Variants in YAP1 observed in about 807,000 individuals in gnomAD.
The protein encoded by YAP1 is transcriptional coactivator YAP1.
A neutral mutation model predicts 56.9 loss-of-function variants in YAP1; 5 were observed. The ratio of observed to expected loss-of-function variants is 0.09; its 90% CI spans 0.05 to 0.18. The LOEUF is 0.18. Ranked by LOEUF, YAP1 falls within the 10% of genes least tolerant of loss-of-function variation. The pLI is 1.00. For synonymous variants in YAP1, 265 were observed against 248.1 expected (o/e 1.07, Z -0.64); for missense variants, 539 against 651.8 (o/e 0.83, Z 1.88).
intron 6 of YAP1, among the ~76,000 whole-genome samples, chr11:102,219,031 C>G (rs1949793496): frequency 6.6e-6 from 1 of 151,996 alleles, no homozygotes; most frequent in African/African-American, 2.4e-5. Context: ...ATAGCCAATT[C>G]AGTTATTTTA....
chr11:102,174,629 G>C (rs1947126836), intron 3 of YAP1, among the ~76,000 whole-genome samples: 2 of 151,958 alleles, frequency 1.3e-5, no homozygotes, highest in Non-Finnish European at 2.9e-5. Flanking sequence ...ACAAGTCTCT[G>C]AGAGATTGCA....
At chr11:102,154,390 A>C (rs1158204322) in intron 2 of YAP1, among the ~76,000 whole-genome samples, 1 of 152,180 alleles carries the variant, frequency 6.6e-6, no homozygotes, top group African/African-American at 2.4e-5. Flanking sequence ...GTATTGAAAG[A>C]CTACTGACTC....
chr11:102,204,944 A>G (rs2135591154), intron 4 of YAP1, among the ~76,000 whole-genome samples: 1 of 152,280 alleles, frequency 6.6e-6, no homozygotes, highest in Admixed American at 6.5e-5. Flanking sequence ...CTAAACATTT[A>G]GTAGAAACAG....
intron 3 of YAP1, among the ~76,000 whole-genome samples, chr11:102,181,622 AC>A (rs1947630305): frequency 1.3e-5 from 2 of 152,100 alleles, no homozygotes; most frequent in Admixed American, 6.5e-5. Context: ...TTAAAAAAAA[AC>A]GTACTGCCCT....
At chr11:102,166,345 G>C (rs1312849906) in intron 3 of YAP1, among the ~76,000 whole-genome samples, 1 of 152,122 alleles carries the variant, frequency 6.6e-6, no homozygotes, top group Non-Finnish European at 1.5e-5. Context: ...GAAGCCCATG[G>C]TTTTGACATG....
At position 102,164,180 on chromosome 11, in the gene YAP1, G is replaced by A. The variant is rs143136398; in HGVS notation, c.688+1609G>A. On this transcript the variant is annotated intron_variant, in intron 3 of 8. Coordinates refer to ENST00000282441, the MANE Select transcript of YAP1 (RefSeq NM_001130145.3). ...AGCCTCCCGAGCTGGTACTACAGGC[G>A]CCTGCCTCCACACCCAGCTAATTTT... Among the ~76,000 whole-genome samples, 206 of 152,026 alleles carry A rather than the reference G, an allele frequency of 1.4e-3. 7 individuals carry two copies. In the East Asian group the frequency reaches 0.031, roughly 23 times the overall value.
rs370149337 is a variant in YAP1, at chr11:102,148,929, C to G, written c.573-13527C>G. Among the ~76,000 whole-genome samples, 25 of 152,248 alleles carry G rather than the reference C, an allele frequency of 1.6e-4. No homozygotes were observed. In the South Asian group the frequency reaches 4.6e-3, roughly 28 times the overall value. On this transcript the variant is annotated intron_variant, in intron 2 of 8. Coordinates refer to ENST00000282441, the MANE Select transcript of YAP1 (RefSeq NM_001130145.3). ...TCTTTTAATATTGCCAAACAGTTCT[C>G]TAGTACAGTTATAACTATTTGTTGT...
At chr11:102,203,814 G>T (rs1015952799) in intron 4 of YAP1, among the ~76,000 whole-genome samples, 1 of 152,142 alleles carries the variant, frequency 6.6e-6, no homozygotes, top group Non-Finnish European at 1.5e-5. Context: ...AAACATGTGG[G>T]ATGCAGGTAA....
At chr11:102,113,967 A>G (rs1943122750) in intron 1 of YAP1, among the ~76,000 whole-genome samples, 177 bp from the exon 2 acceptor site, 1 of 152,084 alleles carries the variant, frequency 6.6e-6, no homozygotes. Context: ...TATTAAAATT[A>G]TATAATATTA....
intron 3 of YAP1, among the ~76,000 whole-genome samples, chr11:102,165,003 A>C (rs1759202686): frequency 6.6e-6 from 1 of 152,164 alleles, no homozygotes; most frequent in African/African-American, 2.4e-5. Context: ...GATTACAGGC[A>C]TGAGCCACCA....
chr11:102,161,394 A>G (rs946440727), intron 2 of YAP1, among the ~76,000 whole-genome samples: 2 of 150,012 alleles, frequency 1.3e-5, no homozygotes, highest in Admixed American at 6.7e-5. Flanking sequence ...ACACTAAACA[A>G]TTAGCCTTGT....
In YAP1 at chr11:102,153,991, T is replaced by A. The variant is rs1591252656; in HGVS notation, c.573-8465T>A. ...CTCTAAGTGATCATGTTACTTAATATTTACAGTATAACCTTTTTATTAATT... is the reference window on the plus strand; with the variant it reads ...CTCTAAGTGATCATGTTACTTAATAATTACAGTATAACCTTTTTATTAATT... On this transcript the variant is annotated intron_variant, in intron 2 of 8. Transcript: ENST00000282441. Among the ~76,000 whole-genome samples the A allele has an allele frequency of 2.0e-5, 3 of 152,298 alleles. No individual in the cohort carries two copies. In the South Asian group the frequency reaches 6.2e-4, roughly 32 times the overall value.
chr11:102,183,551 C>G (rs1218805430), intron 3 of YAP1, among the ~76,000 whole-genome samples: 1 of 152,110 alleles, frequency 6.6e-6, no homozygotes, highest in Non-Finnish European at 1.5e-5. Flanking sequence ...TGGCTGAGTT[C>G]TCTGAGATGG....
At chr11:102,181,873 G>A (rs181634020) in intron 3 of YAP1, among the ~76,000 whole-genome samples, 136 of 152,316 alleles carry the variant, frequency 8.9e-4, no homozygotes, top group African/African-American at 3.0e-3. Context: ...CCAGGCTGGA[G>A]TGCAGTGGCG....
chr11:102,183,290 T>C (rs894277688), intron 3 of YAP1, among the ~76,000 whole-genome samples: 1 of 152,078 alleles, frequency 6.6e-6, no homozygotes. Flanking sequence ...TTATGGAAAG[T>C]TGGTGGGAAA....
intron 3 of YAP1, among the ~76,000 whole-genome samples, chr11:102,180,779 A>C (rs1397519154): frequency 6.6e-6 from 1 of 152,102 alleles, no homozygotes; most frequent in Non-Finnish European, 1.5e-5. Context: ...TTACTAGCAC[A>C]GAGAAAGAAC....
At chr11:102,190,240 TG>T (rs1171392111) in intron 4 of YAP1, among the ~76,000 whole-genome samples, 2 of 152,340 alleles carry the variant, frequency 1.3e-5, no homozygotes, top group Non-Finnish European at 2.9e-5. Context: ...CTGGTTATCC[TG>T]GGCTGTCAGT....
At chr11:102,197,320 C>T (rs7110557) in intron 4 of YAP1, among the ~76,000 whole-genome samples, 56,413 of 151,942 alleles carry the variant, frequency 0.37, 10,671 homozygotes, top group African/African-American at 0.44. Context: ...GCTTAAGAAT[C>T]GTTTATTATT....
rs145380902 is a variant in YAP1 at position 102,177,630 on chromosome 11, T to C, written c.689-8388T>C. ...AGGTGGAGGTTGCAGTGAACCAAGATTGCGCCATGGCACTCTAGCCTGGCG... is the reference window on the plus strand; with the variant it reads ...AGGTGGAGGTTGCAGTGAACCAAGACTGCGCCATGGCACTCTAGCCTGGCG... On this transcript the variant is annotated intron_variant, in intron 3 of 8. Transcript: ENST00000282441. Among the ~76,000 whole-genome samples, 597 of 149,544 alleles carry C rather than the reference T, an allele frequency of 4.0e-3. 1 individual carries two copies. The highest frequency in any genetic ancestry group is 6.0e-3 in the Non-Finnish European group (403 of 67,666).
Sources: gnomAD v4.1 joint callset for allele counts (sites outside exome capture counted in the v4.1 genomes callset) on GRCh38, gnomAD v4.1.1 for gene constraint, MANE v1.5 for transcripts, NCBI Gene and HGNC (gene_info 2026-07-23, HGNC 2026-07-21) for gene names.